AKAP19: variants seen among roughly 807,000 people sequenced by gnomAD.
AKAP19 encodes A-kinase anchoring protein 19.
the AKAP19 span, among the ~76,000 whole-genome samples, chr2:189,995,684 T>TG: frequency 3.5e-5 from 5 of 144,604 alleles, no homozygotes; most frequent in Admixed American, 2.0e-4. Context: ...ACCTTGTGTG[T>TG]TTTTTTTTTC....
the AKAP19 span, among the ~76,000 whole-genome samples, chr2:189,958,299 A>G: frequency 2.3e-4 from 35 of 152,166 alleles, no homozygotes; most frequent in African/African-American, 6.3e-4. Context: ...ACCTCACTGT[A>G]ATCAGAGAAG....
At chr2:190,202,199 C>A in the AKAP19 span, 1 of 167,110 alleles carries the variant, frequency 6.0e-6, no homozygotes, top group South Asian at 2.1e-4. Flanking sequence ...CTGTTGCTGC[C>A]CTTCCTCAGC....
At chr2:189,887,010 C>T in the AKAP19 span, among the ~76,000 whole-genome samples, 3 of 152,018 alleles carry the variant, frequency 2.0e-5, no homozygotes, top group African/African-American at 7.3e-5. Context: ...TATTATTATA[C>T]TTTAATTTCT....
chr2:189,999,932 G>A, the AKAP19 span, among the ~76,000 whole-genome samples: 3 of 152,158 alleles, frequency 2.0e-5, no homozygotes, highest in African/African-American at 7.2e-5. Context: ...CCGAGTTTGG[G>A]GCTGCATGCA....
the AKAP19 span, among the ~76,000 whole-genome samples, chr2:190,067,210 T>A: frequency 6.6e-6 from 1 of 152,182 alleles, no homozygotes; most frequent in African/African-American, 2.4e-5. Flanking sequence ...TCATACATTA[T>A]GGGGCCTCTG....
At chr2:190,168,522 C>T in the AKAP19 span, among the ~76,000 whole-genome samples, 2 of 151,602 alleles carry the variant, frequency 1.3e-5, no homozygotes, top group East Asian at 3.9e-4. Context: ...AAATGGAATT[C>T]TCTTTTCTAT....
chr2:189,892,985 C>T, the AKAP19 span, among the ~76,000 whole-genome samples: 6 of 152,260 alleles, frequency 3.9e-5, no homozygotes, highest in African/African-American at 1.2e-4. Flanking sequence ...TGCCTAGCTG[C>T]GGTAGGCTCT....
At chr2:189,970,168 T>A in the AKAP19 span, among the ~76,000 whole-genome samples, 9 of 152,092 alleles carry the variant, frequency 5.9e-5, no homozygotes, top group African/African-American at 2.2e-4. Context: ...AGCCCAGCCA[T>A]CAAGATACTC....
chr2:189,983,399 C>A, the AKAP19 span, among the ~76,000 whole-genome samples: 1 of 152,090 alleles, frequency 6.6e-6, no homozygotes, highest in Admixed American at 6.6e-5. Flanking sequence ...TGGGCCCTAC[C>A]ATTTGTGGAA....
chr2:189,898,478 G>C, the AKAP19 span, among the ~76,000 whole-genome samples: 1 of 151,868 alleles, frequency 6.6e-6, no homozygotes, highest in Non-Finnish European at 1.5e-5. Flanking sequence ...CACATTATTT[G>C]TACTGCATTT....
the AKAP19 span, chr2:190,199,573 T>C: frequency 2.5e-6 from 1 of 392,558 alleles, no homozygotes. Flanking sequence ...AAGATAAAGC[T>C]GTTTGTTTTT....
At chr2:190,170,126 T>G in the AKAP19 span, among the ~76,000 whole-genome samples, 1 of 152,166 alleles carries the variant, frequency 6.6e-6, no homozygotes, top group Admixed American at 6.5e-5. Context: ...TGGGTTCTGG[T>G]GAGGGCTGTC....
the AKAP19 span, among the ~76,000 whole-genome samples, chr2:189,956,169 T>TTTCTTTTC: frequency 2.5e-3 from 5 of 2,002 alleles, 1 homozygote; most frequent in African/African-American, 4.2e-3. Context: ...GTATATTTTC[T>TTTCTTTTC]TTTTTTTCTT....
chr2:190,132,910 A>G, the AKAP19 span, among the ~76,000 whole-genome samples: 4 of 152,182 alleles, frequency 2.6e-5, no homozygotes, highest in Admixed American at 6.5e-5. Flanking sequence ...TATCTAAAAT[A>G]TATAAGCAAC....
At chr2:190,198,695 T>C in the AKAP19 span, among the ~76,000 whole-genome samples, 4 of 146,266 alleles carry the variant, frequency 2.7e-5, no homozygotes, top group African/African-American at 7.8e-5. Flanking sequence ...TTTAGAGCTA[T>C]GTTTTTAGTC....
the AKAP19 span, among the ~76,000 whole-genome samples, chr2:190,148,360 T>C: frequency 6.6e-6 from 1 of 152,238 alleles, no homozygotes; most frequent in African/African-American, 2.4e-5. Context: ...TGAAACCCAA[T>C]TGATTATGGT....
the AKAP19 span, among the ~76,000 whole-genome samples, chr2:190,045,459 G>A: frequency 6.6e-6 from 1 of 151,986 alleles, no homozygotes; most frequent in Non-Finnish European, 1.5e-5. Context: ...GTCCTGCCCA[G>A]CGAGGAGGAA....
At chr2:190,082,294 C>G in the AKAP19 span, among the ~76,000 whole-genome samples, 1 of 152,216 alleles carries the variant, frequency 6.6e-6, no homozygotes, top group African/African-American at 2.4e-5. Flanking sequence ...CCCCATTCAG[C>G]ATAAATTCCT....
chr2:190,192,719 C>T, the AKAP19 span, among the ~76,000 whole-genome samples: 1 of 152,096 alleles, frequency 6.6e-6, no homozygotes, highest in Admixed American at 6.6e-5. Context: ...GTACAACGTA[C>T]ACAATACAAA....
Sources: allele counts gnomAD v4.1 joint callset (sites outside exome capture counted in the v4.1 genomes callset), GRCh38; gene constraint gnomAD v4.1.1; transcripts MANE v1.5; gene names NCBI Gene and HGNC (gene_info 2026-07-23, HGNC 2026-07-21).